The following KHDRBS1 variants were observed in gnomAD, a reference collection of about 807,000 sequenced individuals.
KHDRBS1 encodes the protein KH RNA binding domain containing, signal transduction associated 1.
Under a neutral mutation model 48.4 loss-of-function variants are expected in KHDRBS1, and 7 were observed. That is an observed-to-expected ratio of 0.14 (90% confidence interval 0.08 to 0.27). KHDRBS1 has a LOEUF of 0.27. Ranked by LOEUF, KHDRBS1 falls within the 10% of genes least tolerant of loss-of-function variation. The pLI is 1.00. For missense variants in KHDRBS1, 458 were observed against 601.2 expected (o/e 0.76, Z 2.49); for synonymous variants, 241 against 235.8 (o/e 1.02, Z -0.20).
At chr1:32,044,604 T>G (rs1210981181), downstream of KHDRBS1, among the ~76,000 whole-genome samples, 5 of 152,224 alleles carry the variant, frequency 3.3e-5, no homozygotes, top group Non-Finnish European at 7.3e-5. Context: ...GATGGACATT[T>G]TTTTTTTCTT....
intron 10 of KHDRBS1, among the ~76,000 whole-genome samples, chr1:32,049,852 G>A (rs944750879): frequency 2.5e-4 from 38 of 151,792 alleles, no homozygotes; most frequent in Admixed American, 4.6e-4. Flanking sequence ...TAGTAGAGAC[G>A]GGGTTTCACC....
At chr1:32,023,200 T>A (rs1461004056) in intron 1 of KHDRBS1, among the ~76,000 whole-genome samples, 1 of 151,906 alleles carries the variant, frequency 6.6e-6, no homozygotes, top group Non-Finnish European at 1.5e-5. Context: ...TGGGATAAAA[T>A]CTACAAAAAA....
At position 32,013,915 on chromosome 1, in the gene KHDRBS1, C is replaced by T. The variant is rs1435919949; in HGVS notation, c.-81C>T. On this transcript the variant is annotated 5_prime_UTR_variant, in exon 1 of 9. Coordinates refer to ENST00000327300, the MANE Select transcript of KHDRBS1 (RefSeq NM_006559.3). ...GGCTTCGGTCGCTACCGCTCCCGCT[C>T]TGCCACCCCCGCCAACCGCCGCTCG... 7 of 1,292,050 alleles carry T rather than the reference C, an allele frequency of 5.4e-6. No homozygotes were observed. Among genetic ancestry groups the T allele is most frequent in the African/African-American group, 4.7e-5 (3 of 64,144 alleles). The allele number at this position is 1,292,050 out of a possible 1,614,324, so 80.0% of individuals were successfully genotyped here. A position where few individuals can be genotyped will look rare whatever the true frequency, so the allele number is the denominator to read the frequency against.
chr1:32,058,721 T>G (rs1396463833), intron 10 of KHDRBS1, among the ~76,000 whole-genome samples: 2 of 152,058 alleles, frequency 1.3e-5, no homozygotes, highest in African/African-American at 2.4e-5. Context: ...GAGGATCGCT[T>G]GAGCCAAGGA....
chr1:32,035,916 A>C (rs1639168203), intron 4 of KHDRBS1, among the ~76,000 whole-genome samples: 1 of 152,194 alleles, frequency 6.6e-6, no homozygotes, highest in Non-Finnish European at 1.5e-5. Context: ...TTCAAGAGAC[A>C]CTTATTTAGG....
At chr1:32,048,693 TAAC>T (rs1229181211), downstream of KHDRBS1, among the ~76,000 whole-genome samples, 2 of 152,204 alleles carry the variant, frequency 1.3e-5, no homozygotes, top group African/African-American at 2.4e-5. Context: ...AATTTTAAAA[TAAC>T]AACTTTATTG....
intron 10 of KHDRBS1, among the ~76,000 whole-genome samples, chr1:32,058,883 G>A (rs1254506600): frequency 2.6e-5 from 4 of 152,172 alleles, no homozygotes; most frequent in African/African-American, 9.7e-5. Flanking sequence ...GTCAGGCACA[G>A]TGGCTCATGC....
intron 1 of KHDRBS1, among the ~76,000 whole-genome samples, chr1:32,025,918 T>A (rs1367190516): frequency 6.8e-6 from 1 of 146,180 alleles, no homozygotes; most frequent in East Asian, 2.0e-4. Context: ...CTAATTTAAA[T>A]ATATATATAT....
At position 32,038,541 on chromosome 1, in the gene KHDRBS1, T is replaced by A. The variant is rs1639226898; in HGVS notation, c.1108-11T>A. On this transcript the variant is annotated splice_polypyrimidine_tract_variant and intron_variant, in intron 6 of 8. Coordinates refer to ENST00000327300, the MANE Select transcript of KHDRBS1 (RefSeq NM_006559.3). ...ATCTTTTATTTCATTTTTTTGTTGT[T>A]GTTGTTCTAGGGATATGATGATACA... The A allele has an allele frequency of 6.2e-7, 1 of 1,612,992 alleles. No individual in the cohort carries two copies. The highest frequency in any genetic ancestry group is 8.5e-7 in the Non-Finnish European group (1 of 1,179,698).
intron 1 of KHDRBS1, among the ~76,000 whole-genome samples, chr1:32,014,809 G>T (rs757053204): frequency 1.1e-4 from 16 of 152,346 alleles, no homozygotes; most frequent in Middle Eastern, 3.4e-3. Context: ...CCAGAGCGGG[G>T]AGGGACCGTG....
At chr1:32,015,544 T>C (rs1165854294) in intron 1 of KHDRBS1, among the ~76,000 whole-genome samples, 2 of 152,244 alleles carry the variant, frequency 1.3e-5, no homozygotes, top group Non-Finnish European at 2.9e-5. Flanking sequence ...TCATCTTTTA[T>C]GCTTTCTTAA....
chr1:32,041,090 C>G (rs1639275962), intron 8 of KHDRBS1, among the ~76,000 whole-genome samples: 1 of 152,248 alleles, frequency 6.6e-6, no homozygotes, highest in South Asian at 2.1e-4. Context: ...AAGAGGCAGG[C>G]TTCTCTTTGT....
intron 8 of KHDRBS1, among the ~76,000 whole-genome samples, 159 bp downstream of exon 8, chr1:32,039,732 A>T (rs1639248270): frequency 6.6e-6 from 1 of 152,174 alleles, no homozygotes; most frequent in Non-Finnish European, 1.5e-5. Flanking sequence ...GCTCTTGCTT[A>T]AATTTTGCGG....
At chr1:32,059,175 A>C (rs1407902698) in intron 10 of KHDRBS1, among the ~76,000 whole-genome samples, 4 of 151,408 alleles carry the variant, frequency 2.6e-5, no homozygotes, top group Non-Finnish European at 5.9e-5. Flanking sequence ...GAAAAAAAAA[A>C]AAAAAAAAAC....
intron 4 of KHDRBS1, among the ~76,000 whole-genome samples, chr1:32,033,773 A>G (rs1457973509): frequency 1.3e-5 from 2 of 152,150 alleles, no homozygotes; most frequent in African/African-American, 4.8e-5. Context: ...TATAGCATCT[A>G]GTGTTATTGG....
chr1:32,030,534 A>G (rs1427161021), intron 2 of KHDRBS1, 112 bp downstream of exon 2: 3 of 861,504 alleles, frequency 3.5e-6, no homozygotes, highest in Non-Finnish European at 5.0e-6. Context: ...TAAGCCTGTG[A>G]AGCTTCTCTT....
Position 32,037,019 on chromosome 1 carries a change from C to T in KHDRBS1, c.881C>T (p.Ala294Val). The T allele has an allele frequency of 6.2e-7, 1 of 1,613,970 alleles. No homozygotes were observed. Among genetic ancestry groups the T allele is most frequent in the Non-Finnish European group, 8.5e-7 (1 of 1,179,940 alleles). The change falls in exon 5 of 9, where the codon GCA (alanine) becomes GTA (valine). Residue 294 changes from alanine to valine, a missense_variant. By Grantham distance (64) the Ala-to-Val change is moderately conservative. Transcript: ENST00000327300. ...GTGCCAGTGAGAGGCCGGGGAGCTG[C>T]ACCTCCTCCACCACCTGTTCCCAGG... ...RGVPVRGRGA[A>V]PPPPPVPRGR...
chr1:32,032,480 G>A (rs1639099955), intron 3 of KHDRBS1, among the ~76,000 whole-genome samples: 1 of 152,172 alleles, frequency 6.6e-6, no homozygotes, highest in Admixed American at 6.5e-5. Flanking sequence ...AAGCAGATAA[G>A]CAGAGCTCGT....
chr1:32,038,502 T>C, intron 6 of KHDRBS1, 50 bp from the exon 7 acceptor site: 1 of 1,576,288 alleles, frequency 6.3e-7, no homozygotes, highest in Non-Finnish European at 8.7e-7. Flanking sequence ...CCTTTCCTAC[T>C]CTCTATGATT....
Sources: allele counts gnomAD v4.1 joint callset (sites outside exome capture counted in the v4.1 genomes callset), GRCh38; gene constraint gnomAD v4.1.1; transcripts MANE v1.5; gene names NCBI Gene and HGNC (gene_info 2026-07-23, HGNC 2026-07-21).